The following DGKB variants were observed in gnomAD, a reference collection of about 807,000 sequenced individuals.
DGKB encodes 90 kDa diacylglycerol kinase.
Under a neutral mutation model 114.3 loss-of-function variants are expected in DGKB, and 67 were observed. The observed-to-expected ratio is 0.59, with a 90% CI of 0.48 to 0.72. DGKB has a LOEUF of 0.72. Among genes scored for constraint, DGKB ranks in the 30% least tolerant of loss-of-function variants. The pLI is 0.00. For missense variants in DGKB, 907 were observed against 975.2 expected (o/e 0.93, Z 0.93); for synonymous variants, 398 against 323.1 (o/e 1.23, Z -2.49).
At chr7:14,951,145 G>C (rs1786181689) in intron 1 of DGKB, among the ~76,000 whole-genome samples, 1 of 151,904 alleles carries the variant, frequency 6.6e-6, no homozygotes, top group Non-Finnish European at 1.5e-5. Flanking sequence ...CTAACATCCT[G>C]CTTAATAGTG....
At chr7:14,403,372 G>C (rs1823437885) in intron 21 of DGKB, among the ~76,000 whole-genome samples, 1 of 151,880 alleles carries the variant, frequency 6.6e-6, no homozygotes, top group Non-Finnish European at 1.5e-5. Context: ...GCTTATTGGA[G>C]TTTAGTTTGG....
At chr7:14,920,074 G>C (rs1417040401) in intron 1 of DGKB, among the ~76,000 whole-genome samples, 5 of 152,104 alleles carry the variant, frequency 3.3e-5, no homozygotes, top group African/African-American at 1.2e-4. Flanking sequence ...GGATGACATA[G>C]AAAATCTAGG....
intron 20 of DGKB, among the ~76,000 whole-genome samples, chr7:14,481,949 C>G (rs530701500): frequency 9.9e-5 from 15 of 151,920 alleles, no homozygotes; most frequent in Non-Finnish European, 1.9e-4. Flanking sequence ...TACACAATAA[C>G]AACAATCTTT....
chr7:14,897,554 C>T (rs1782299910), intron 1 of DGKB, among the ~76,000 whole-genome samples: 1 of 151,866 alleles, frequency 6.6e-6, no homozygotes, highest in South Asian at 2.1e-4. Flanking sequence ...ACTTATTCTA[C>T]TATTTGGGTT....
intron 25 of DGKB, among the ~76,000 whole-genome samples, chr7:14,155,721 A>T (rs1782915948): frequency 6.6e-6 from 1 of 152,098 alleles, no homozygotes; most frequent in South Asian, 2.1e-4. Flanking sequence ...CTGGAAAAAG[A>T]GGAAGATTTT....
At chr7:14,550,229 T>C (rs1041025973) in intron 20 of DGKB, among the ~76,000 whole-genome samples, 2 of 152,140 alleles carry the variant, frequency 1.3e-5, no homozygotes. Context: ...TATCATTCAT[T>C]AGAGATTAGG....
chr7:14,821,811 A>T (rs1452819930), intron 2 of DGKB, among the ~76,000 whole-genome samples: 1 of 152,180 alleles, frequency 6.6e-6, no homozygotes, highest in Non-Finnish European at 1.5e-5. Flanking sequence ...AGACATGGAG[A>T]AGAGGCAAGA....
chr7:14,845,804 C>T (rs1586877305), intron 1 of DGKB, among the ~76,000 whole-genome samples: 1 of 151,488 alleles, frequency 6.6e-6, no homozygotes, highest in African/African-American at 2.4e-5. Flanking sequence ...GGACTACATC[C>T]ATTTTCTTCA....
Position 14,147,010 on chromosome 7 carries a change from C to T in DGKB, c.*2121G>A, listed in dbSNP as rs1781546965. On this transcript the variant is annotated 3_prime_UTR_variant, in exon 26 of 26. Coordinates refer to ENST00000402815, the MANE Select transcript of DGKB (RefSeq NM_001350709.2). ...AGACATAATTGTATGTTGTAGCGAA[C>T]ATAAAATAATTTGTGGCTTCAAAAT... 1 of 152,078 alleles carries T rather than the reference C, an allele frequency of 6.6e-6. No individual in the cohort carries two copies. The highest frequency in any genetic ancestry group is 6.6e-5 in the Admixed American group (1 of 15,254). 9.4% of individuals were successfully genotyped at this position (152,078 alleles called of 1,614,324 possible). A position where few individuals can be genotyped will look rare whatever the true frequency, so the allele number is the denominator to read the frequency against.
At chr7:14,238,086 C>G (rs2128357262) in intron 23 of DGKB, among the ~76,000 whole-genome samples, 1 of 152,082 alleles carries the variant, frequency 6.6e-6, no homozygotes, top group African/African-American at 2.4e-5. Flanking sequence ...TTCTCTGAAA[C>G]TCATAACCCT....
chr7:14,495,827 A>G (rs966988546), intron 20 of DGKB, among the ~76,000 whole-genome samples: 2 of 151,818 alleles, frequency 1.3e-5, no homozygotes, highest in African/African-American at 4.8e-5. Context: ...AAAGCTTAGT[A>G]TAACCCTTTT....
intron 23 of DGKB, among the ~76,000 whole-genome samples, chr7:14,243,794 C>A (rs1285532566): frequency 6.6e-6 from 1 of 152,118 alleles, no homozygotes; most frequent in Admixed American, 6.5e-5. Flanking sequence ...ATTGTCAGAT[C>A]TTGCTTCAAA....
At chr7:14,521,806 G>A (rs1041682942) in intron 20 of DGKB, among the ~76,000 whole-genome samples, 13 of 151,980 alleles carry the variant, frequency 8.6e-5, no homozygotes, top group South Asian at 6.2e-4. Flanking sequence ...TGAGTCACAC[G>A]TTCTTATTTC....
intron 21 of DGKB, among the ~76,000 whole-genome samples, chr7:14,366,084 C>T (rs548952730): frequency 2.6e-5 from 4 of 152,094 alleles, no homozygotes; most frequent in African/African-American, 7.2e-5. Flanking sequence ...TATTTGCAAA[C>T]TGAGAAATTA....
intron 23 of DGKB, among the ~76,000 whole-genome samples, chr7:14,256,763 G>A: frequency 6.6e-6 from 1 of 152,142 alleles, no homozygotes; most frequent in East Asian, 1.9e-4. Flanking sequence ...AAAATAAATA[G>A]TAGCATCAAG....
In DGKB at chr7:14,351,415, G is replaced by C. The variant is rs186659769; in HGVS notation, c.1836-6024C>G. ...AGACAGAATGTTGGCAGGGCACAGG[G>C]AGCCTGGTCGGCAAACGAGCCCTAG... On this transcript the variant is annotated intron_variant, in intron 21 of 25. Coordinates refer to ENST00000402815, the MANE Select transcript of DGKB (RefSeq NM_001350709.2). Among the ~76,000 whole-genome samples the C allele has an allele frequency of 5.8e-3, 880 of 152,298 alleles. 2 individuals carry two copies. Among genetic ancestry groups the C allele is most frequent in the African/African-American group, 0.016 (665 of 41,574 alleles).
chr7:14,214,194 T>C (rs191667600), intron 23 of DGKB, among the ~76,000 whole-genome samples: 1 of 152,256 alleles, frequency 6.6e-6, no homozygotes, highest in East Asian at 1.9e-4. Flanking sequence ...CAATTGTCTT[T>C]AGGATAAAAC....
intron 20 of DGKB, among the ~76,000 whole-genome samples, chr7:14,505,866 T>C (rs1786961120): frequency 6.6e-6 from 1 of 152,210 alleles, no homozygotes; most frequent in African/African-American, 2.4e-5. Flanking sequence ...TTTCCAGGTC[T>C]CTTTCCTGTG....
chr7:14,854,161 G>A (rs969659367), intron 1 of DGKB, among the ~76,000 whole-genome samples: 5 of 152,082 alleles, frequency 3.3e-5, no homozygotes, highest in African/African-American at 4.8e-5. Flanking sequence ...CAAGTTAAAC[G>A]TATATAATTT....
Sources: gnomAD v4.1 joint callset for allele counts (sites outside exome capture counted in the v4.1 genomes callset) on GRCh38, gnomAD v4.1.1 for gene constraint, MANE v1.5 for transcripts, NCBI Gene and HGNC (gene_info 2026-07-23, HGNC 2026-07-21) for gene names.